Variants in PRELID2 observed in about 807,000 individuals in gnomAD.
PRELID2 encodes PRELI domain-containing protein 2.
Under a neutral mutation model 28.4 loss-of-function variants are expected in PRELID2, and 25 were observed. That is an observed-to-expected ratio of 0.88 (90% CI 0.64 to 1.23). PRELID2 has a LOEUF of 1.23. Ranked by LOEUF, PRELID2 falls within the 50% of genes most tolerant of loss-of-function variation. The pLI, the probability that PRELID2 is intolerant of heterozygous loss-of-function variation, is 0.00. For missense variants in PRELID2, 201 were observed against 214.4 expected (o/e 0.94, Z 0.39); for synonymous variants, 76 against 71.6 (o/e 1.06, Z -0.31).
the PRELID2 span, among the ~76,000 whole-genome samples, chr5:145,265,499 CT>C: frequency 6.6e-6 from 1 of 152,114 alleles, no homozygotes; most frequent in Non-Finnish European, 1.5e-5. Context: ...AAAAAAGAGC[CT>C]GCACAGCCAA....
chr5:145,311,598 A>C, the PRELID2 span, among the ~76,000 whole-genome samples: 1 of 152,178 alleles, frequency 6.6e-6, no homozygotes, highest in African/African-American at 2.4e-5. Context: ...TTTTCTGGCA[A>C]ACACATAGTA....
the PRELID2 span, among the ~76,000 whole-genome samples, chr5:145,242,581 C>T: frequency 6.6e-6 from 1 of 152,020 alleles, no homozygotes; most frequent in Non-Finnish European, 1.5e-5. Flanking sequence ...TATGAATTTT[C>T]TAAAAATGTT....
At chr5:145,623,584 G>A (rs1452948106) in intron 1 of PRELID2, among the ~76,000 whole-genome samples, 1 of 152,158 alleles carries the variant, frequency 6.6e-6, no homozygotes, top group Non-Finnish European at 1.5e-5. Flanking sequence ...ACATATATCT[G>A]TGGAAACTTG....
intron 4 of PRELID2, among the ~76,000 whole-genome samples, chr5:145,816,030 T>C (rs1754276638): frequency 6.6e-6 from 1 of 151,552 alleles, no homozygotes; most frequent in Non-Finnish European, 1.5e-5. Flanking sequence ...CATGTAAGGG[T>C]TCTAATTTAT....
At chr5:145,732,952 T>C (rs1027641449) in intron 1 of PRELID2, among the ~76,000 whole-genome samples, 5 of 151,058 alleles carry the variant, frequency 3.3e-5, no homozygotes, top group Non-Finnish European at 2.9e-5. Context: ...GCACTAAAAA[T>C]AAAGGAACAC....
intron 1 of PRELID2, among the ~76,000 whole-genome samples, chr5:145,476,238 T>A (rs1254294619): frequency 2.6e-5 from 4 of 152,252 alleles, no homozygotes; most frequent in Admixed American, 2.6e-4. Flanking sequence ...CCATTTATTC[T>A]AGTCACAATT....
At chr5:145,326,382 A>G in the PRELID2 span, among the ~76,000 whole-genome samples, 16 of 152,322 alleles carry the variant, frequency 1.1e-4, no homozygotes, top group Non-Finnish European at 2.2e-4. Flanking sequence ...GTTTATTTGT[A>G]TAAATACACA....
At chr5:145,444,573 CCAGTTAGAAGACT>C in the PRELID2 span, among the ~76,000 whole-genome samples, 3 of 151,976 alleles carry the variant, frequency 2.0e-5, no homozygotes, top group Non-Finnish European at 4.4e-5. Flanking sequence ...ACTGCTCTTT[CCAGTTAGAAGACT>C]CGTGAACCTG....
downstream of PRELID2, chr5:145,754,422 C>A (rs1290953254): frequency 2.6e-5 from 4 of 152,294 alleles, no homozygotes; most frequent in South Asian, 4.1e-4. Context: ...TGTGTCTGGT[C>A]TTACCATCAA....
intron 1 of PRELID2, among the ~76,000 whole-genome samples, chr5:145,647,056 G>A (rs1396229421): frequency 2.0e-5 from 3 of 152,204 alleles, no homozygotes; most frequent in Non-Finnish European, 4.4e-5. Flanking sequence ...GTGCTTGGAG[G>A]TCCACTGCTC....
the PRELID2 span, among the ~76,000 whole-genome samples, chr5:145,402,052 G>A: frequency 2.9e-3 from 447 of 152,206 alleles, 1 homozygote; most frequent in Middle Eastern, 6.8e-3. Context: ...CATGTGAGGC[G>A]CCTTATTCAT....
the PRELID2 span, among the ~76,000 whole-genome samples, chr5:145,451,396 T>G: frequency 2.6e-5 from 4 of 152,346 alleles, no homozygotes; most frequent in Non-Finnish European, 5.9e-5. Context: ...CATCTTTGTT[T>G]TCTGAACAAC....
rs1180505683 is a variant in PRELID2, at chr5:145,824,468, T to TG, written c.76-1335_76-1334insC. 5.2e-3 allele frequency among the ~76,000 whole-genome samples: 264 copies of TG among 50,770 alleles called. 2 individuals carry two copies. The Middle Eastern group carries it at 0.087, about 17-fold the overall frequency. 33.3% of individuals were successfully genotyped at this position (50,770 alleles called of 152,430 possible). A position where few individuals can be genotyped will look rare whatever the true frequency, so the allele number is the denominator to read the frequency against. On this transcript the variant is annotated intron_variant, in intron 1 of 6. Coordinates refer to ENST00000683046, the MANE Select transcript of PRELID2 (RefSeq NM_205846.3). ...TGTGTGTGTGTGTGTGTGTGTGATA[T>TG]TGATTTATTAATGGATTTTTCAGGG...
chr5:145,429,716 T>C, the PRELID2 span, among the ~76,000 whole-genome samples: 2 of 151,870 alleles, frequency 1.3e-5, no homozygotes, highest in African/African-American at 2.4e-5. Context: ...AAATATGATA[T>C]CAAGAAGTGG....
At chr5:145,316,843 C>A in the PRELID2 span, among the ~76,000 whole-genome samples, 1 of 152,314 alleles carries the variant, frequency 6.6e-6, no homozygotes. Flanking sequence ...GTCCTCTTTG[C>A]TAACATGTAT....
At chr5:145,470,702 T>A (rs1317428223), downstream of PRELID2, among the ~76,000 whole-genome samples, 1 of 152,088 alleles carries the variant, frequency 6.6e-6, no homozygotes, top group African/African-American at 2.4e-5. Flanking sequence ...ACAGTCAAAT[T>A]ATGAATAATT....
intron 1 of PRELID2, among the ~76,000 whole-genome samples, chr5:145,831,197 TG>T (rs1289358893): frequency 6.6e-6 from 1 of 152,136 alleles, no homozygotes. Context: ...GGAAGGTAGG[TG>T]GGGTAGGTGG....
the PRELID2 span, among the ~76,000 whole-genome samples, chr5:145,232,998 G>T: frequency 4.5e-3 from 678 of 150,572 alleles, 7 homozygotes; most frequent in East Asian, 0.031. Context: ...TGTGTGTGTG[G>T]AGATATATAT....
chr5:145,581,525 C>G (rs1025680630), intron 1 of PRELID2, among the ~76,000 whole-genome samples: 3 of 152,022 alleles, frequency 2.0e-5, no homozygotes, highest in African/African-American at 7.2e-5. Flanking sequence ...CTTTTTTGCA[C>G]AACTGGATAC....
Sources: gnomAD v4.1 joint callset for allele counts (sites outside exome capture counted in the v4.1 genomes callset) on GRCh38, gnomAD v4.1.1 for gene constraint, MANE v1.5 for transcripts, NCBI Gene and HGNC (gene_info 2026-07-23, HGNC 2026-07-21) for gene names.